GRM3: variants seen among roughly 807,000 people sequenced by gnomAD.
GRM3 encodes glutamate metabotropic receptor 3, also known as metabotropic glutamate receptor 3.
GRM3 carries 26 observed loss-of-function variants against 70.5 expected under a neutral mutation model. The ratio of observed to expected loss-of-function variants is 0.37; its 90% CI spans 0.27 to 0.51. The LOEUF (loss-of-function observed/expected upper bound fraction) is 0.51. Ranked by LOEUF, GRM3 falls within the 20% of genes least tolerant of loss-of-function variation. The pLI is 0.93. For synonymous variants in GRM3, 443 were observed against 434.9 expected, an observed-to-expected ratio of 1.02 and a Z score of -0.23; for missense variants, 859 against 1,123.8, an observed-to-expected ratio of 0.76 and a Z score of 3.37.
At chr7:86,861,008 T>A (rs944969950) in intron 5 of GRM3, among the ~76,000 whole-genome samples, 1 of 152,152 alleles carries the variant, frequency 6.6e-6, no homozygotes, top group Non-Finnish European at 1.5e-5. Context: ...ATCGCTAAAA[T>A]TTCATTTTTA....
At chr7:86,730,539 A>T (rs1407679118) in intron 1 of GRM3, among the ~76,000 whole-genome samples, 1 of 152,228 alleles carries the variant, frequency 6.6e-6, no homozygotes, top group African/African-American at 2.4e-5. Flanking sequence ...TTTTTCCAGC[A>T]TTGCACCTGT....
At chr7:86,652,049 T>C (rs1793619234) in intron 1 of GRM3, among the ~76,000 whole-genome samples, 3 of 152,192 alleles carry the variant, frequency 2.0e-5, no homozygotes, top group African/African-American at 7.2e-5. Context: ...GAATGAACAA[T>C]TAATTTATTG....
At chr7:86,800,270 G>C (rs1337665385) in intron 3 of GRM3, among the ~76,000 whole-genome samples, 3 of 152,072 alleles carry the variant, frequency 2.0e-5, no homozygotes, top group Admixed American at 2.0e-4. Context: ...GTTATCAGAA[G>C]ACAAGAAATA....
At chr7:86,861,691 A>G (rs536898317) in intron 5 of GRM3, among the ~76,000 whole-genome samples, 1 of 152,218 alleles carries the variant, frequency 6.6e-6, no homozygotes, top group Admixed American at 6.5e-5. Flanking sequence ...AAAAGCAAAA[A>G]GAAGGAAAAA....
chr7:86,722,470 G>C (rs1466626744), intron 1 of GRM3, among the ~76,000 whole-genome samples: 1 of 151,880 alleles, frequency 6.6e-6, no homozygotes, highest in Admixed American at 6.6e-5. Context: ...GATGAAGCTG[G>C]AAACCATCAT....
At chr7:86,796,081 T>C (rs1296987736) in intron 3 of GRM3, among the ~76,000 whole-genome samples, 1 of 151,914 alleles carries the variant, frequency 6.6e-6, no homozygotes, top group Admixed American at 6.5e-5. Context: ...ATCTCATTTG[T>C]CAATTTTTGC....
chr7:86,844,846 C>A (rs1398252500), intron 4 of GRM3, among the ~76,000 whole-genome samples: 1 of 152,102 alleles, frequency 6.6e-6, no homozygotes, highest in Non-Finnish European at 1.5e-5. Flanking sequence ...ATAGCCATAG[C>A]AATAGCCAGA....
chr7:86,861,118 A>C (rs1388349087), intron 5 of GRM3, among the ~76,000 whole-genome samples: 6 of 152,216 alleles, frequency 3.9e-5, no homozygotes, highest in Non-Finnish European at 8.8e-5. Flanking sequence ...AACCTGAGTC[A>C]GTTCTCTTGG....
chr7:86,698,520 T>TTATATATATATATATATA (rs570784350), intron 1 of GRM3, among the ~76,000 whole-genome samples: 5 of 142,150 alleles, frequency 3.5e-5, no homozygotes, highest in African/African-American at 1.1e-4. Context: ...TAAAAAGTAT[T>TTATATATATATATATATA]TATATATATA....
chr7:86,834,963 T>C (rs1798426508), intron 3 of GRM3, among the ~76,000 whole-genome samples: 2 of 152,108 alleles, frequency 1.3e-5, no homozygotes, highest in South Asian at 4.1e-4. Flanking sequence ...TTTAGTTTTA[T>C]GTGACATAAG....
chr7:86,677,273 T>C (rs181147528), intron 1 of GRM3, among the ~76,000 whole-genome samples: 340 of 152,064 alleles, frequency 2.2e-3, no homozygotes, highest in East Asian at 4.8e-3. Context: ...GACACCTTTT[T>C]AAAAAAATGT....
At chr7:86,664,649 C>T (rs964353765) in intron 1 of GRM3, among the ~76,000 whole-genome samples, 4 of 151,868 alleles carry the variant, frequency 2.6e-5, no homozygotes, top group Admixed American at 6.6e-5. Flanking sequence ...CTAGGCTCAT[C>T]CAAAAGAGAT....
At chr7:86,818,160 C>A (rs1337081972) in intron 3 of GRM3, among the ~76,000 whole-genome samples, 1 of 152,004 alleles carries the variant, frequency 6.6e-6, no homozygotes, top group Admixed American at 6.6e-5. Flanking sequence ...ACCAGCTCTG[C>A]TTGTCATTGC....
intron 5 of GRM3, among the ~76,000 whole-genome samples, chr7:86,852,859 AAAATT>A (rs1218304453): frequency 2.0e-5 from 3 of 152,208 alleles, no homozygotes; most frequent in Admixed American, 2.0e-4. Flanking sequence ...TATAGGTAAG[AAAATT>A]GAGAATTGAA....
intron 2 of GRM3, among the ~76,000 whole-genome samples, chr7:86,766,578 T>C (rs1054723344): frequency 3.3e-5 from 5 of 152,136 alleles, no homozygotes; most frequent in African/African-American, 9.7e-5. Flanking sequence ...CCCAGAAAGA[T>C]TGGTTTCATG....
chr7:86,661,020 C>G (rs1329601032), intron 1 of GRM3, among the ~76,000 whole-genome samples: 1 of 151,898 alleles, frequency 6.6e-6, no homozygotes, highest in African/African-American at 2.4e-5. Context: ...TCTTTCTTTA[C>G]AATTTTAAAA....
intron 3 of GRM3, among the ~76,000 whole-genome samples, chr7:86,831,108 C>T (rs1358966684): frequency 2.0e-5 from 3 of 152,154 alleles, no homozygotes; most frequent in Non-Finnish European, 4.4e-5. Flanking sequence ...TCATCTCAAG[C>T]CACTCAGTTT....
intron 1 of GRM3, among the ~76,000 whole-genome samples, chr7:86,746,376 A>ATAT: frequency 1.3e-5 from 1 of 75,154 alleles, no homozygotes; most frequent in Non-Finnish European, 2.5e-5. Flanking sequence ...TATATATATA[A>ATAT]TCACTTCAAT....
rs144261616 is a variant in GRM3, at chr7:86,769,704, T to C, written c.468+4091T>C. Among the ~76,000 whole-genome samples the C allele has an allele frequency of 1.8e-3, 276 of 152,306 alleles. 6 individuals carry two copies. In the East Asian group the frequency reaches 0.047, roughly 26 times the overall value. On this transcript the variant is annotated intron_variant, in intron 2 of 5. Coordinates refer to ENST00000361669, the MANE Select transcript of GRM3 (RefSeq NM_000840.3). ...CTTAATGACTTGCTGGGTTAAGCTG[T>C]ATCACCATTGATGAAGAAACTGGAT... is the stretch of plus-strand genomic sequence containing the variant.
Sources: allele counts gnomAD v4.1 joint callset (sites outside exome capture counted in the v4.1 genomes callset), GRCh38; gene constraint gnomAD v4.1.1; transcripts MANE v1.5; gene names NCBI Gene and HGNC (gene_info 2026-07-23, HGNC 2026-07-21).